Variants in SCAF11 observed in about 807,000 individuals in gnomAD.
SCAF11 encodes SR-related CTD associated factor 11.
SCAF11 carries 47 observed loss-of-function variants against 140.5 expected under a neutral mutation model. The ratio of observed to expected loss-of-function variants is 0.33; its 90% CI spans 0.26 to 0.43. SCAF11 has a LOEUF of 0.43. SCAF11 is among the 20% of genes least tolerant of loss of function. The pLI is 1.00. For synonymous variants in SCAF11, 557 were observed against 579.4 expected (o/e 0.96, Z 0.55); for missense variants, 1,645 against 1,705.1 (o/e 0.96, Z 0.62).
intron 1 of SCAF11, among the ~76,000 whole-genome samples, chr12:45,983,681 ACAAT>A (rs1469031626): frequency 6.6e-6 from 1 of 151,896 alleles, no homozygotes; most frequent in Non-Finnish European, 1.5e-5. Context: ...ATAAAAGGTG[ACAAT>A]CAGTCATCTA....
At chr12:45,977,440 AAC>A (rs900258689) in intron 1 of SCAF11, among the ~76,000 whole-genome samples, 3 of 152,124 alleles carry the variant, frequency 2.0e-5, no homozygotes, top group East Asian at 1.9e-4. Flanking sequence ...AATGTATGAC[AAC>A]ACAGTTTTTG....
chr12:45,977,469 A>G (rs1012230272), intron 1 of SCAF11, among the ~76,000 whole-genome samples: 5 of 152,106 alleles, frequency 3.3e-5, no homozygotes, highest in African/African-American at 4.8e-5. Flanking sequence ...GTGGGATGAT[A>G]GAACCATTGC....
At chr12:45,953,447 G>A (rs1313350823) in intron 3 of SCAF11, among the ~76,000 whole-genome samples, 1 of 152,152 alleles carries the variant, frequency 6.6e-6, no homozygotes, top group Non-Finnish European at 1.5e-5. Context: ...GAGAGGCCAA[G>A]GCAGGAGGAT....
At chr12:45,930,143 G>A (rs761664000) in intron 10 of SCAF11, among the ~76,000 whole-genome samples, 1 of 152,166 alleles carries the variant, frequency 6.6e-6, no homozygotes, top group Non-Finnish European at 1.5e-5. Context: ...TTGTTTACAA[G>A]ATGAATCATC....
chr12:45,966,745 C>T (rs577974467), intron 1 of SCAF11, among the ~76,000 whole-genome samples: 2 of 151,974 alleles, frequency 1.3e-5, no homozygotes, highest in South Asian at 4.2e-4. Flanking sequence ...GGAACAACAA[C>T]AAAGAGATGA....
chr12:45,922,444 C>T lies in SCAF11; in HGVS notation c.4245+19G>A. 2 of 1,596,954 alleles carry T rather than the reference C, an allele frequency of 1.3e-6. No individual in the cohort carries two copies. The highest frequency in any genetic ancestry group is 4.5e-5 in the East Asian group (2 of 44,430). On this transcript the variant is annotated intron_variant, in intron 14 of 14. Transcript: ENST00000369367. ...GGTTCAAAACAACGTGCACATACTC[C>T]ACTAAAGCCATAACTTACTTTATCT...
chr12:45,937,752 C>T (rs1945204068), intron 6 of SCAF11, among the ~76,000 whole-genome samples: 3 of 152,212 alleles, frequency 2.0e-5, no homozygotes. Flanking sequence ...AGGTAGAGGA[C>T]TAGAAGCCTC....
At chr12:45,963,137 T>C (rs1592207540) in intron 2 of SCAF11, among the ~76,000 whole-genome samples, 1 of 151,950 alleles carries the variant, frequency 6.6e-6, no homozygotes, top group East Asian at 1.9e-4. Flanking sequence ...GGTTAAGAAA[T>C]GAGGTTACAG....
intron 12 of SCAF11, among the ~76,000 whole-genome samples, chr12:45,924,458 C>T (rs1042573569): frequency 6.6e-6 from 1 of 152,064 alleles, no homozygotes; most frequent in African/African-American, 2.4e-5. Flanking sequence ...ATTTGGTTTA[C>T]TTAATATGAA....
intron 11 of SCAF11, 99 bp from the exon 12 acceptor site, chr12:45,925,173 T>C: frequency 3.5e-6 from 3 of 846,008 alleles, no homozygotes; most frequent in Non-Finnish European, 3.6e-6. Context: ...AAATAGCAAT[T>C]AATAGGCTCA....
At chr12:45,966,726 T>C (rs1011644134) in intron 1 of SCAF11, among the ~76,000 whole-genome samples, 5 of 152,136 alleles carry the variant, frequency 3.3e-5, no homozygotes, top group South Asian at 4.1e-4. Context: ...GCATGTCTGG[T>C]ATGTTCAAGG....
At chr12:45,948,933 G>C (rs1945487451) in intron 4 of SCAF11, among the ~76,000 whole-genome samples, 1 of 152,178 alleles carries the variant, frequency 6.6e-6, no homozygotes, top group Non-Finnish European at 1.5e-5. Context: ...GAACAGAGTT[G>C]TAAGGAACAG....
chr12:45,926,469 G>A lies in SCAF11; in HGVS notation c.3232C>T (p.Arg1078Cys), dbSNP rs1187212662. The change falls in exon 11 of 15, where the codon CGT (arginine) becomes TGT (cysteine). Residue 1078 changes from arginine to cysteine, a missense_variant. Around this residue, in one of 2 missense-constraint regions of SCAF11, gnomAD observed 1,582 missense variants for 1,609.2 expected, o/e 0.98. Coordinates refer to ENST00000369367, the MANE Select transcript of SCAF11 (RefSeq NM_004719.3). ...CTACTTCTGTAAGTGCCTCTGCCAC[G>A]GTTGCCTCTGCCTCTACCACGGTTA... ...VSNRGRGRGN[R>C]GRGTYRSSFA... 8 of 1,613,978 alleles carry A rather than the reference G, an allele frequency of 5.0e-6. No homozygotes were observed. Among genetic ancestry groups the A allele is most frequent in the African/African-American group, 1.3e-5 (1 of 74,892 alleles).
At chr12:45,973,136 A>G (rs1946151872) in intron 1 of SCAF11, among the ~76,000 whole-genome samples, 1 of 150,596 alleles carries the variant, frequency 6.6e-6, no homozygotes, top group South Asian at 2.1e-4. Context: ...GAACAACCAA[A>G]TGGAAACCAA....
intron 1 of SCAF11, among the ~76,000 whole-genome samples, chr12:45,964,650 C>T (rs1945901793): frequency 6.7e-6 from 1 of 148,290 alleles, no homozygotes; most frequent in African/African-American, 2.5e-5. Context: ...CTGGGGGACA[C>T]AGTGAGACTC....
intron 1 of SCAF11, chr12:45,974,142 T>A (rs185058689): frequency 7.9e-5 from 37 of 470,220 alleles, no homozygotes; most frequent in Non-Finnish European, 1.5e-4. Flanking sequence ...CCATGAAGTG[T>A]GCAACAGCAT....
At position 45,951,704 on chromosome 12, in the gene SCAF11, G is replaced by A. The variant is rs1424818488; in HGVS notation, c.243C>T (p.Asp81=). ...WAETLASCPI[D]RKPFQAVFKF... ...TAAACACTGCCTGAAAAGGTTTACG[G>A]TCAATAGGACATGAAGCCAGTGTCT... The change falls in exon 4 of 15, where the codon GAC becomes GAT. Residue 81 remains aspartate (D), a synonymous_variant. Coordinates refer to ENST00000369367, the MANE Select transcript of SCAF11 (RefSeq NM_004719.3). 1.9e-6 allele frequency: 3 copies of A among 1,590,350 alleles called. No homozygotes were observed. The highest frequency in any genetic ancestry group is 2.6e-6 in the Non-Finnish European group (3 of 1,164,988).
intron 1 of SCAF11, among the ~76,000 whole-genome samples, chr12:45,985,250 G>A (rs1198988454): frequency 6.6e-6 from 1 of 152,084 alleles, no homozygotes; most frequent in Non-Finnish European, 1.5e-5. Flanking sequence ...TTCTCACCAG[G>A]AGAACTCTGA....
intron 8 of SCAF11, among the ~76,000 whole-genome samples, chr12:45,933,680 G>A (rs1261334499): frequency 6.6e-6 from 1 of 152,026 alleles, no homozygotes; most frequent in Non-Finnish European, 1.5e-5. Context: ...TTTTTTCTTG[G>A]TACCTTGCCA....
Sources: allele counts gnomAD v4.1 joint callset (sites outside exome capture counted in the v4.1 genomes callset), GRCh38; gene constraint gnomAD v4.1.1; regional missense constraint gnomAD v4.1.1; transcripts MANE v1.5; gene names NCBI Gene and HGNC (gene_info 2026-07-23, HGNC 2026-07-21).